The following STXBP5L variants were observed in gnomAD, a reference collection of about 807,000 sequenced individuals.
STXBP5L encodes the protein syntaxin binding protein 5L, also known as syntaxin-binding protein 5-like.
Under a neutral mutation model 144.5 loss-of-function variants are expected in STXBP5L, and 65 were observed. The ratio of observed to expected loss-of-function variants is 0.45; its 90% confidence interval spans 0.37 to 0.55. The LOEUF is 0.55. STXBP5L is among the 20% of genes least tolerant of loss of function. The pLI, the probability that STXBP5L is intolerant of heterozygous loss-of-function variation, is 0.00. For synonymous variants in STXBP5L, 505 were observed against 469.6 expected, an observed-to-expected ratio of 1.08 and a Z score of -0.97; for missense variants, 1,298 against 1,405.5, an observed-to-expected ratio of 0.92 and a Z score of 1.22.
intron 7 of STXBP5L, among the ~76,000 whole-genome samples, chr3:121,149,942 T>C (rs2045871642): frequency 6.6e-6 from 1 of 152,112 alleles, no homozygotes; most frequent in South Asian, 2.1e-4. Flanking sequence ...TCTACGTACA[T>C]ATTTACAAAA....
At chr3:120,983,302 A>G (rs1175523814) in intron 3 of STXBP5L, among the ~76,000 whole-genome samples, 1 of 151,912 alleles carries the variant, frequency 6.6e-6, no homozygotes, top group African/African-American at 2.4e-5. Flanking sequence ...TGGCATATGT[A>G]TATCGGGGCA....
At chr3:120,954,908 G>A (rs1290549585) in intron 2 of STXBP5L, 32 bp from the exon 3 acceptor site, 1 of 1,562,742 alleles carries the variant, frequency 6.4e-7, no homozygotes, top group Admixed American at 1.7e-5. Flanking sequence ...TATTTCCCTA[G>A]AGACTTATTG....
rs538429961 is a variant in STXBP5L at position 121,174,360 on chromosome 3, G to GT, written c.877+16739dup. 1.8e-3 allele frequency among the ~76,000 whole-genome samples: 274 copies of GT among 152,024 alleles called. 2 individuals are homozygous for GT. The highest frequency in any genetic ancestry group is 6.2e-3 in the African/African-American group (258 of 41,492). On this transcript the variant is annotated intron_variant, in intron 9 of 26. Coordinates refer to ENST00000471454, the MANE Select transcript of STXBP5L (RefSeq NM_001308330.2). ...ATATTCATGGCATAGCTTTTCCTTA[G>GT]TTTTTTCTGATATTTTAGGCTAAAG...
At chr3:121,018,456 G>T (rs1000038478) in intron 3 of STXBP5L, among the ~76,000 whole-genome samples, 2 of 148,532 alleles carry the variant, frequency 1.3e-5, no homozygotes, top group Non-Finnish European at 3.0e-5. Context: ...AGAAACAATG[G>T]CAATTCAGTG....
intron 10 of STXBP5L, among the ~76,000 whole-genome samples, chr3:121,220,393 C>T (rs2048938840): frequency 6.6e-6 from 1 of 151,962 alleles, no homozygotes; most frequent in South Asian, 2.1e-4. Flanking sequence ...TGATAGGTAT[C>T]CCTTAATAGA....
At chr3:121,003,491 A>ATTTT (rs1284414609) in intron 3 of STXBP5L, among the ~76,000 whole-genome samples, 3 of 152,200 alleles carry the variant, frequency 2.0e-5, no homozygotes, top group Non-Finnish European at 4.4e-5. Flanking sequence ...ATTTTCTCCC[A>ATTTT]TGCTCTAGGT....
intron 3 of STXBP5L, among the ~76,000 whole-genome samples, chr3:121,004,230 C>T (rs1461429697): frequency 6.6e-6 from 1 of 151,906 alleles, no homozygotes; most frequent in Non-Finnish European, 1.5e-5. Context: ...TTTCATCGAG[C>T]AGTGGTTTGT....
At chr3:121,210,571 A>G (rs1032855896) in intron 10 of STXBP5L, among the ~76,000 whole-genome samples, 3 of 152,156 alleles carry the variant, frequency 2.0e-5, no homozygotes, top group Non-Finnish European at 2.9e-5. Context: ...TAGGTCTAAC[A>G]TTTAAGTCTT....
At position 121,156,688 on chromosome 3, in the gene STXBP5L, A is replaced by G. The variant is rs141932292; in HGVS notation, c.754-816A>G. 2.6e-5 allele frequency among the ~76,000 whole-genome samples: 4 copies of G among 152,088 alleles called. No individual in the cohort carries two copies. In the East Asian group the frequency reaches 7.7e-4, roughly 29 times the overall value. ...CATAAATTCCATATCCTTGGATTCA[A>G]CTAACTATAATAGGAAATATTTTAA... On this transcript the variant is annotated intron_variant, in intron 8 of 26. Coordinates refer to ENST00000471454, the MANE Select transcript of STXBP5L (RefSeq NM_001308330.2).
rs1424177047 is a variant in STXBP5L, at chr3:121,121,686, C to T, written c.651C>T (p.Ser217=). 6.2e-7 allele frequency: 1 copy of T among 1,601,918 alleles called. No individual in the cohort carries two copies. The highest frequency in any genetic ancestry group is 8.5e-7 in the Non-Finnish European group (1 of 1,171,318). Residue 217 remains serine, a synonymous_variant, in exon 7 of 27, where the codon AGC becomes AGT. Coordinates refer to ENST00000471454, the MANE Select transcript of STXBP5L (RefSeq NM_001308330.2). Reference sequence around the variant, plus strand: ...GTCCAGTTGTACATTTAAGCGATAGCCCAAGAGATGAAGGCAAAGTGAGTA... The same window carrying T: ...GTCCAGTTGTACATTTAAGCGATAGTCCAAGAGATGAAGGCAAAGTGAGTA... The part of the protein sequence containing the change: ...HPGPVVHLSD[S]PRDEGKLLIG...
rs11717266 is a variant in STXBP5L at position 121,059,325 on chromosome 3, G to C, written c.470+13790G>C. On this transcript the variant is annotated intron_variant, in intron 5 of 26. Coordinates refer to ENST00000471454, the MANE Select transcript of STXBP5L (RefSeq NM_001308330.2). ...TCTGAGGCCTCTGTTGTGTTCCATA[G>C]GTCTGTATATCTGTTTTGTTACCAG... Among the ~76,000 whole-genome samples the C allele has an allele frequency of 5.3e-4, 80 of 152,178 alleles. 2 individuals carry two copies. Among genetic ancestry groups the C allele is most frequent in the Non-Finnish European group, 7.2e-4 (49 of 68,004 alleles).
chr3:121,405,925 T>C (rs931496847), intron 22 of STXBP5L, among the ~76,000 whole-genome samples: 1 of 152,102 alleles, frequency 6.6e-6, no homozygotes, highest in African/African-American at 2.4e-5. Context: ...TTTCAAAATG[T>C]GGATTTCTTG....
chr3:121,084,442 G>C (rs1421489636), intron 5 of STXBP5L, among the ~76,000 whole-genome samples: 6 of 152,110 alleles, frequency 3.9e-5, no homozygotes, highest in Non-Finnish European at 7.4e-5. Context: ...CCACTTATAA[G>C]TGAGAACATG....
At chr3:121,268,227 C>T (rs972355633) in intron 18 of STXBP5L, among the ~76,000 whole-genome samples, 4 of 152,100 alleles carry the variant, frequency 2.6e-5, no homozygotes, top group Non-Finnish European at 4.4e-5. Context: ...ACTATGCAGC[C>T]ATGAAAATGT....
chr3:121,089,669 G>A (rs1234206069), intron 5 of STXBP5L, among the ~76,000 whole-genome samples: 2 of 151,534 alleles, frequency 1.3e-5, no homozygotes, highest in Non-Finnish European at 2.9e-5. Flanking sequence ...TGCTTTTTCA[G>A]TCTCATCCTC....
At chr3:120,962,196 A>G (rs999057835) in intron 3 of STXBP5L, among the ~76,000 whole-genome samples, 13 of 152,132 alleles carry the variant, frequency 8.5e-5, no homozygotes, top group Non-Finnish European at 1.5e-4. Context: ...AGATAGGTAG[A>G]TTGCAAAATT....
At chr3:121,303,501 C>T (rs1445742476) in intron 19 of STXBP5L, among the ~76,000 whole-genome samples, 1 of 152,098 alleles carries the variant, frequency 6.6e-6, no homozygotes, top group Non-Finnish European at 1.5e-5. Context: ...CTAGAAATAC[C>T]ATTTGACCCA....
intron 20 of STXBP5L, among the ~76,000 whole-genome samples, chr3:121,364,949 T>C (rs2045821649): frequency 6.6e-6 from 1 of 151,944 alleles, no homozygotes; most frequent in South Asian, 2.1e-4. Flanking sequence ...CATCAAATGC[T>C]TTTTCTGCTC....
chr3:120,975,838 G>A (rs539788046), intron 3 of STXBP5L, among the ~76,000 whole-genome samples: 2 of 151,860 alleles, frequency 1.3e-5, no homozygotes, highest in African/African-American at 4.8e-5. Flanking sequence ...TTATATGCTG[G>A]ATTACATTTA....
Sources: allele counts gnomAD v4.1 joint callset (sites outside exome capture counted in the v4.1 genomes callset), GRCh38; gene constraint gnomAD v4.1.1; transcripts MANE v1.5; gene names NCBI Gene and HGNC (gene_info 2026-07-23, HGNC 2026-07-21).